The following KLHL1 variants were observed in gnomAD, a reference collection of about 807,000 sequenced individuals.
KLHL1 encodes the protein kelch like family member 1.
In KLHL1, 47 loss-of-function variants were observed where a neutral mutation model predicts 77.7. That is an observed-to-expected ratio of 0.60 (90% confidence interval 0.48 to 0.77). The LOEUF is 0.77. KLHL1 is among the 30% of genes least tolerant of loss of function. The pLI, the probability that KLHL1 is intolerant of heterozygous loss-of-function variation, is 0.00. For synonymous variants in KLHL1, 360 were observed against 325.2 expected, an observed-to-expected ratio of 1.11 and a Z score of -1.15; for missense variants, 925 against 910.8, an observed-to-expected ratio of 1.02 and a Z score of -0.20.
At chr13:69,935,624 G>T (rs943006366) in intron 4 of KLHL1, among the ~76,000 whole-genome samples, 4 of 152,008 alleles carry the variant, frequency 2.6e-5, no homozygotes, top group Non-Finnish European at 4.4e-5. Flanking sequence ...ATAAATATTT[G>T]GCAGAAGAGT....
chr13:69,804,712 G>C (rs1282357236), intron 6 of KLHL1, among the ~76,000 whole-genome samples: 1 of 152,016 alleles, frequency 6.6e-6, no homozygotes, highest in East Asian at 1.9e-4. Flanking sequence ...AATCACTTAT[G>C]GTTATTAAAC....
At chr13:69,937,871 A>T (rs564681833) in intron 4 of KLHL1, among the ~76,000 whole-genome samples, 1 of 152,312 alleles carries the variant, frequency 6.6e-6, no homozygotes, top group East Asian at 1.9e-4. Context: ...TTGAAGATCA[A>T]GTTTACATCT....
At chr13:70,052,336 AG>A (rs1886648930) in intron 1 of KLHL1, among the ~76,000 whole-genome samples, 1 of 151,686 alleles carries the variant, frequency 6.6e-6, no homozygotes, top group African/African-American at 2.4e-5. Flanking sequence ...CTGATGAGAA[AG>A]AAAAAAAAAT....
intron 6 of KLHL1, among the ~76,000 whole-genome samples, chr13:69,822,618 G>T (rs1361417858): frequency 6.6e-6 from 1 of 152,116 alleles, no homozygotes; most frequent in African/African-American, 2.4e-5. Context: ...AAAAGGTATA[G>T]CTCCAATTGA....
At chr13:70,090,766 T>C (rs1005637082) in intron 1 of KLHL1, among the ~76,000 whole-genome samples, 19 of 152,220 alleles carry the variant, frequency 1.2e-4, no homozygotes, top group African/African-American at 4.1e-4. Context: ...GAAACATCCA[T>C]GTTGAATAAA....
At position 70,108,211 on chromosome 13, in the gene KLHL1, A is replaced by G; in HGVS notation, c.-512T>C. ...GGAGAGCGCAGAGAGAAAGAGCCCCAAGTCTCGAGGAAGCGTACCCCTCGC... is the reference window on the plus strand; with the variant it reads ...GGAGAGCGCAGAGAGAAAGAGCCCCGAGTCTCGAGGAAGCGTACCCCTCGC... On this transcript the variant is annotated 5_prime_UTR_variant, in exon 1 of 11. Transcript: ENST00000377844. The G allele has an allele frequency of 2.5e-6, 1 of 394,214 alleles. No individual in the cohort carries two copies. Among genetic ancestry groups the G allele is most frequent in the Non-Finnish European group, 4.5e-6 (1 of 224,068 alleles). 24.4% of individuals were successfully genotyped at this position (394,214 alleles called of 1,614,324 possible). A position where few individuals can be genotyped will look rare whatever the true frequency, so the allele number is the denominator to read the frequency against.
chr13:69,922,485 CT>C (rs1203487795), intron 4 of KLHL1, among the ~76,000 whole-genome samples: 1 of 151,928 alleles, frequency 6.6e-6, no homozygotes, highest in East Asian at 1.9e-4. Context: ...ATAGCTTATA[CT>C]TATTATGTTT....
intron 7 of KLHL1, among the ~76,000 whole-genome samples, chr13:69,793,092 A>G (rs1876940987): frequency 6.6e-6 from 1 of 152,074 alleles, no homozygotes; most frequent in Admixed American, 6.6e-5. Flanking sequence ...TATATTTAAT[A>G]TATAAGATGT....
At chr13:69,711,552 A>T (rs1459646269) in intron 9 of KLHL1, among the ~76,000 whole-genome samples, 1 of 152,132 alleles carries the variant, frequency 6.6e-6, no homozygotes, top group Non-Finnish European at 1.5e-5. Context: ...GTTTCATGAC[A>T]TTATCAAAAG....
chr13:69,719,320 T>C (rs201532524), intron 9 of KLHL1, 49 bp downstream of exon 9: 1 of 1,493,626 alleles, frequency 6.7e-7, no homozygotes, highest in East Asian at 2.3e-5. Context: ...CAGGCATCAA[T>C]GTGATTTGCA....
At chr13:69,965,939 A>G in intron 2 of KLHL1, among the ~76,000 whole-genome samples, 1 of 152,186 alleles carries the variant, frequency 6.6e-6, no homozygotes, top group East Asian at 1.9e-4. Flanking sequence ...CAAAGTTGGC[A>G]GAAGTTAGTT....
chr13:69,858,665 T>C (rs1185289086), intron 5 of KLHL1, among the ~76,000 whole-genome samples: 2 of 152,046 alleles, frequency 1.3e-5, no homozygotes, highest in African/African-American at 2.4e-5. Context: ...CATGTAGCTA[T>C]AAGAAAATAA....
chr13:69,788,550 T>C (rs1876686203), intron 7 of KLHL1, among the ~76,000 whole-genome samples: 1 of 152,104 alleles, frequency 6.6e-6, no homozygotes, highest in Non-Finnish European at 1.5e-5. Flanking sequence ...TTAGGAGATA[T>C]GCCTAATGCT....
At chr13:69,745,577 C>T (rs1280303116) in intron 7 of KLHL1, among the ~76,000 whole-genome samples, 1 of 151,454 alleles carries the variant, frequency 6.6e-6, no homozygotes, top group South Asian at 2.1e-4. Context: ...GAATTGATAT[C>T]CACAAATATA....
intron 1 of KLHL1, among the ~76,000 whole-genome samples, chr13:70,101,524 G>T (rs775928383): frequency 6.6e-6 from 1 of 152,102 alleles, no homozygotes; most frequent in Admixed American, 6.5e-5. Flanking sequence ...CGCCTCCAGG[G>T]TTCAAGCAAT....
intron 5 of KLHL1, among the ~76,000 whole-genome samples, chr13:69,857,650 A>G (rs1879974056): frequency 6.6e-6 from 1 of 152,066 alleles, no homozygotes; most frequent in Non-Finnish European, 1.5e-5. Context: ...TCTATAAAAG[A>G]TGTATCATAA....
chr13:69,968,052 GA>G (rs1884269915), intron 2 of KLHL1, among the ~76,000 whole-genome samples: 2 of 151,868 alleles, frequency 1.3e-5, no homozygotes, highest in South Asian at 4.2e-4. Flanking sequence ...ATTGTGAAAG[GA>G]GAATCAATTG....
intron 8 of KLHL1, among the ~76,000 whole-genome samples, chr13:69,728,823 A>C (rs997190394): frequency 1.3e-5 from 2 of 151,808 alleles, no homozygotes; most frequent in Admixed American, 1.3e-4. Flanking sequence ...AAAAATTATT[A>C]ACATGAAGAT....
intron 5 of KLHL1, among the ~76,000 whole-genome samples, chr13:69,873,543 C>T (rs1880659511): frequency 1.3e-5 from 2 of 152,074 alleles, no homozygotes; most frequent in Admixed American, 1.3e-4. Context: ...GCTCTAATAA[C>T]TCTTTACAGC....
Sources: allele counts gnomAD v4.1 joint callset (sites outside exome capture counted in the v4.1 genomes callset), GRCh38; gene constraint gnomAD v4.1.1; transcripts MANE v1.5; gene names NCBI Gene and HGNC (gene_info 2026-07-23, HGNC 2026-07-21).